The following ZC3H13 variants were observed in gnomAD, a reference collection of about 807,000 sequenced individuals.
The protein encoded by ZC3H13 is zinc finger CCCH domain-containing protein 13.
ZC3H13 carries 64 observed loss-of-function variants against 204.1 expected under a neutral mutation model. That is an observed-to-expected ratio of 0.31 (90% CI 0.26 to 0.39). The LOEUF is 0.39. Among genes scored for constraint, ZC3H13 ranks in the 10% least tolerant of loss-of-function variants. The pLI, the probability that ZC3H13 is intolerant of heterozygous loss-of-function variation, is 1.00. For missense variants in ZC3H13, 1,833 were observed against 2,082.7 expected, an observed-to-expected ratio of 0.88 and a Z score of 2.33; for synonymous variants, 667 against 693.7, an observed-to-expected ratio of 0.96 and a Z score of 0.60.
rs762222283 is a variant in ZC3H13, at chr13:45,975,667, C to T, written c.2084G>A (p.Arg695His). 8.1e-6 allele frequency: 13 copies of T among 1,609,846 alleles called. No homozygotes were observed. In the South Asian group the frequency reaches 8.8e-5, roughly 11 times the overall value. The change falls in exon 12 of 19, where the codon CGT (arginine) becomes CAT (histidine). Residue 695 changes from arginine (R) to histidine (H), a missense_variant. Coordinates refer to ENST00000679008, the MANE Select transcript of ZC3H13 (RefSeq NM_001330564.2). ...TTTTTCTCTTTCCCGATCCCGTTCA[C>T]GTTCCCTCTCTCTCTCCCGCTCCCT... is the stretch of plus-strand genomic sequence containing the variant. ...RDRERERERE[R>H]ERDREREKER...
chr13:46,032,664 C>A (rs372311795), intron 4 of ZC3H13, among the ~76,000 whole-genome samples: 2 of 152,102 alleles, frequency 1.3e-5, no homozygotes, highest in African/African-American at 4.8e-5. Flanking sequence ...TTCCCTAAGA[C>A]ACAGACACAA....
At position 45,969,183 on chromosome 13, in the gene ZC3H13, C is replaced by T. The variant is rs375409144; in HGVS notation, c.3361G>A (p.Ala1121Thr). The change falls in exon 14 of 19, where the codon GCC becomes ACC. Residue 1121 changes from alanine to threonine, a missense_variant. Coordinates refer to ENST00000679008, the MANE Select transcript of ZC3H13 (RefSeq NM_001330564.2). ...GAGGTGGCGGCAGCAGCAGTAGTGG[C>T]AGCAAGAGTTGCAGGCACAGTTGTA... is the stretch of plus-strand genomic sequence containing the variant. ...TATTVPATLAATTAAAATSFS... is the reference protein window; with the variant it reads ...TATTVPATLATTTAAAATSFS... The T allele has an allele frequency of 2.5e-6, 4 of 1,613,864 alleles. No individual in the cohort carries two copies. The highest frequency in any genetic ancestry group is 3.4e-6 in the Non-Finnish European group (4 of 1,180,000).
At chr13:46,046,056 T>C (rs2043932278) in intron 1 of ZC3H13, among the ~76,000 whole-genome samples, 1 of 152,218 alleles carries the variant, frequency 6.6e-6, no homozygotes, top group Non-Finnish European at 1.5e-5. Context: ...AATGATATTT[T>C]AGTATTTTCT....
Position 45,967,534 on chromosome 13 carries a change from T to C in ZC3H13, c.4291A>G (p.Asn1431Asp). ...AGACTCTCAGTTCTCTCGGATTTATTTGTTTCTTCAAATCCCTGCACAGAT... is the reference window on the plus strand; with the variant it reads ...AGACTCTCAGTTCTCTCGGATTTATCTGTTTCTTCAAATCCCTGCACAGAT... ...LGSVQGFEETNKSERTESLEA... is the reference protein window; with the variant it reads ...LGSVQGFEETDKSERTESLEA... Residue 1431 changes from asparagine (N) to aspartate (D), a missense_variant, in exon 15 of 19, where the codon AAT becomes GAT. Coordinates refer to ENST00000679008, the MANE Select transcript of ZC3H13 (RefSeq NM_001330564.2). The C allele has an allele frequency of 1.3e-6, 2 of 1,572,028 alleles. No homozygotes were observed. The highest frequency in any genetic ancestry group is 1.7e-6 in the Non-Finnish European group (2 of 1,163,094).
intron 4 of ZC3H13, among the ~76,000 whole-genome samples, chr13:46,039,691 C>T (rs1221039290): frequency 6.6e-6 from 1 of 152,102 alleles, no homozygotes; most frequent in Non-Finnish European, 1.5e-5. Flanking sequence ...CATGATTGAA[C>T]AAATAAACTG....
At chr13:46,030,595 CAAAT>C (rs1479638092) in intron 4 of ZC3H13, among the ~76,000 whole-genome samples, 1 of 151,874 alleles carries the variant, frequency 6.6e-6, no homozygotes, top group East Asian at 1.9e-4. Context: ...AAAGAACTGA[CAAAT>C]AGATTAGTTC....
intron 12 of ZC3H13, among the ~76,000 whole-genome samples, chr13:45,971,309 CA>C (rs1236919275): frequency 6.6e-6 from 1 of 151,920 alleles, no homozygotes; most frequent in Non-Finnish European, 1.5e-5. Context: ...ATACTATGGT[CA>C]AAAGTTAAGA....
intron 10 of ZC3H13, among the ~76,000 whole-genome samples, chr13:45,982,460 A>G (rs1953726476): frequency 1.3e-5 from 2 of 152,180 alleles, no homozygotes; most frequent in Admixed American, 1.3e-4. Context: ...AGATACAATG[A>G]GGAGATTTAA....
intron 12 of ZC3H13, among the ~76,000 whole-genome samples, chr13:45,972,723 C>T (rs989547486): frequency 5.9e-5 from 9 of 152,188 alleles, no homozygotes; most frequent in Non-Finnish European, 1.2e-4. Context: ...CAAAGCTCCT[C>T]TCCCATCAAT....
At chr13:46,018,920 T>C (rs2042067971) in intron 5 of ZC3H13, among the ~76,000 whole-genome samples, 1 of 152,142 alleles carries the variant, frequency 6.6e-6, no homozygotes, top group African/African-American at 2.4e-5. Context: ...TTAGGAAAAG[T>C]TAGCTCTCCA....
At position 45,967,874 on chromosome 13, in the gene ZC3H13, A is replaced by G. The variant is rs779814065; in HGVS notation, c.3951T>C (p.Asp1317=). The G allele has an allele frequency of 6.2e-7, 1 of 1,613,126 alleles. No individual in the cohort carries two copies. The highest frequency in any genetic ancestry group is 8.5e-7 in the Non-Finnish European group (1 of 1,179,832). The stretch of plus-strand genomic sequence containing the variant: ...CTCGGTCCCATTCTCTCTGCCTCGT[A>G]TCTCTCCTCTCTCTCTCGCGCTCTC... The part of the protein sequence containing the change: ...HDRERERERR[D]TRQREWDRDA... The change falls in exon 15 of 19, where the codon GAT becomes GAC. Residue 1317 remains aspartate, a synonymous_variant. Coordinates refer to ENST00000679008, the MANE Select transcript of ZC3H13 (RefSeq NM_001330564.2).
intron 1 of ZC3H13, among the ~76,000 whole-genome samples, chr13:46,047,266 G>A (rs1192017448): frequency 6.6e-6 from 1 of 151,998 alleles, no homozygotes; most frequent in Non-Finnish European, 1.5e-5. Flanking sequence ...TTTTAAATTG[G>A]AAAATCTATA....
In ZC3H13 at chr13:45,983,771, G is replaced by A. The variant is rs568849498; in HGVS notation, c.1720+1526C>T. 1.4e-4 allele frequency among the ~76,000 whole-genome samples: 22 copies of A among 152,128 alleles called. No homozygotes were observed. In the East Asian group the frequency reaches 3.7e-3, roughly 25 times the overall value. The stretch of plus-strand genomic sequence containing the variant: ...ACTGTATTGATAAAGATGCTCAGAA[G>A]GTTACTGACAGAAAATTAATAATCA... On this transcript the variant is annotated intron_variant, in intron 10 of 18. Coordinates refer to ENST00000679008, the MANE Select transcript of ZC3H13 (RefSeq NM_001330564.2).
chr13:45,988,719 T>C (rs1381505813), intron 9 of ZC3H13, 68 bp downstream of exon 9: 3 of 1,506,388 alleles, frequency 2.0e-6, no homozygotes, highest in African/African-American at 2.8e-5. Context: ...TCTTTCTCCA[T>C]CTCTTAGTAC....
chr13:45,997,368 T>C (rs2040415313), intron 8 of ZC3H13, among the ~76,000 whole-genome samples: 1 of 152,214 alleles, frequency 6.6e-6, no homozygotes, highest in South Asian at 2.1e-4. Flanking sequence ...GTCCTAGGCT[T>C]CAAGAATGAT....
At chr13:46,047,553 G>T (rs2044056597) in intron 1 of ZC3H13, among the ~76,000 whole-genome samples, 1 of 152,126 alleles carries the variant, frequency 6.6e-6, no homozygotes, top group Non-Finnish European at 1.5e-5. Context: ...TGAACATACG[G>T]AGGAGAAGCT....
intron 4 of ZC3H13, among the ~76,000 whole-genome samples, chr13:46,029,007 C>T (rs767187076): frequency 7.2e-5 from 11 of 151,952 alleles, no homozygotes; most frequent in Admixed American, 2.6e-4. Context: ...ATTAGCAAAA[C>T]CAAATGCTGT....
rs748790409 is a variant in ZC3H13, at chr13:46,011,400, CAATA to C, written c.588+11_588+14del. ...CTATTAAGTACTAACATATTTATTG[CAATA>C]AATAGCATACCTCCTTTTTAATGAT... On this transcript the variant is annotated intron_variant, in intron 6 of 18. Coordinates refer to ENST00000679008, the MANE Select transcript of ZC3H13 (RefSeq NM_001330564.2). 6.3e-7 allele frequency: 1 copy of C among 1,592,966 alleles called. No individual in the cohort carries two copies. The highest frequency in any genetic ancestry group is 2.3e-5 in the East Asian group (1 of 44,444).
intron 5 of ZC3H13, among the ~76,000 whole-genome samples, chr13:46,016,822 T>C (rs2041937919): frequency 6.6e-6 from 1 of 152,110 alleles, no homozygotes; most frequent in Non-Finnish European, 1.5e-5. Context: ...AGGGATGGGA[T>C]TAGGAGGTTA....
Sources: gnomAD v4.1 joint callset for allele counts (sites outside exome capture counted in the v4.1 genomes callset) on GRCh38, gnomAD v4.1.1 for gene constraint, MANE v1.5 for transcripts, NCBI Gene and HGNC (gene_info 2026-07-23, HGNC 2026-07-21) for gene names.